The following C3orf70 variants were observed in gnomAD, a reference collection of about 807,000 sequenced individuals.
The protein encoded by C3orf70 is UPF0524 protein C3orf70.
In C3orf70, 15 loss-of-function variants were observed where a neutral mutation model predicts 20.7. The observed-to-expected ratio is 0.72, with a 90% confidence interval of 0.48 to 1.11. The LOEUF is 1.11. Ranked by LOEUF, C3orf70 falls within the 50% of genes most tolerant of loss-of-function variation. The pLI is 0.00. For missense variants in C3orf70, 332 were observed against 317.6 expected (o/e 1.05, Z -0.34); for synonymous variants, 161 against 125.7 (o/e 1.28, Z -1.88).
chr3:185,142,774 T>C (rs1716782534), intron 1 of C3orf70, among the ~76,000 whole-genome samples: 1 of 152,244 alleles, frequency 6.6e-6, no homozygotes, highest in East Asian at 1.9e-4. Flanking sequence ...AGACACATGA[T>C]GTGTTTTCTC....
At chr3:185,097,478 C>A (rs1199153732) in intron 1 of C3orf70, among the ~76,000 whole-genome samples, 1 of 152,184 alleles carries the variant, frequency 6.6e-6, no homozygotes, top group African/African-American at 2.4e-5. Context: ...GCATATAAAA[C>A]TACTGAGTTA....
At position 185,091,553 on chromosome 3, in the gene C3orf70, G is replaced by A. The variant is rs531405108; in HGVS notation, c.197-7990C>T. Among the ~76,000 whole-genome samples, 64 of 152,138 alleles carry A rather than the reference G, an allele frequency of 4.2e-4. 1 individual carries two copies. Among genetic ancestry groups the A allele is most frequent in the African/African-American group, 1.5e-3 (63 of 41,500 alleles). ...GCTGCTACAGATTTTTAAGCATGAG[G>A]TTCTAAGTCCCATGGCTTAGAAGAG... On this transcript the variant is annotated intron_variant, in intron 1 of 1. Coordinates refer to ENST00000335012, the MANE Select transcript of C3orf70 (RefSeq NM_001025266.3).
At chr3:185,130,913 T>A (rs1716510990) in intron 1 of C3orf70, among the ~76,000 whole-genome samples, 1 of 152,250 alleles carries the variant, frequency 6.6e-6, no homozygotes, top group South Asian at 2.1e-4. Context: ...TGATTAATGC[T>A]GCTATAAACA....
intron 1 of C3orf70, among the ~76,000 whole-genome samples, chr3:185,104,095 G>C (rs1464656550): frequency 1.3e-5 from 2 of 152,186 alleles, no homozygotes; most frequent in African/African-American, 4.8e-5. Flanking sequence ...AAAAGCTTTT[G>C]AGTTCAACTG....
At chr3:185,141,608 T>C (rs1308938207) in intron 1 of C3orf70, among the ~76,000 whole-genome samples, 1 of 152,168 alleles carries the variant, frequency 6.6e-6, no homozygotes, top group Non-Finnish European at 1.5e-5. Context: ...TCCAACAAAC[T>C]GGATGGATCT....
intron 1 of C3orf70, among the ~76,000 whole-genome samples, chr3:185,094,721 A>G (rs577957480): frequency 6.6e-6 from 1 of 152,248 alleles, no homozygotes; most frequent in Non-Finnish European, 1.5e-5. Context: ...AGGGTTTCAT[A>G]TAGCGAGTAT....
At position 185,083,343 on chromosome 3, in the gene C3orf70, A is replaced by C; in HGVS notation, c.417T>G (p.Ile139Met). 6.2e-7 allele frequency: 1 copy of C among 1,614,178 alleles called. No individual in the cohort carries two copies. The highest frequency in any genetic ancestry group is 8.5e-7 in the Non-Finnish European group (1 of 1,180,028). Residue 139 changes from isoleucine (I) to methionine (M), a missense_variant, in exon 2 of 2, where the codon ATT becomes ATG. Physicochemically the swap from Ile to Met is conservative, Grantham distance 10. Coordinates refer to ENST00000335012, the MANE Select transcript of C3orf70 (RefSeq NM_001025266.3). ...LFIDNYQVKC[I>M]NGKMCYVQKQ... ...TCTGCACATAACACATCTTCCCATT[A>C]ATACATTTAACCTGATAGTTGTCAA...
intron 1 of C3orf70, among the ~76,000 whole-genome samples, chr3:185,119,374 C>T (rs1043256937): frequency 3.3e-5 from 5 of 152,024 alleles, no homozygotes; most frequent in Non-Finnish European, 7.4e-5. Context: ...TAAGAGAAGC[C>T]GGGCGCGGTG....
chr3:185,125,384 AAACAACAACAAC>A (rs141336074), intron 1 of C3orf70, among the ~76,000 whole-genome samples: 2,723 of 149,868 alleles, frequency 0.018, 34 homozygotes, highest in Non-Finnish European at 0.026. Flanking sequence ...CCATCTCCAA[AAACAACAACAAC>A]AACAACAACA....
chr3:185,091,963 ATTTTTTT>A (rs146504613), intron 1 of C3orf70, among the ~76,000 whole-genome samples: 383 of 15,556 alleles, frequency 0.025, 8 homozygotes, highest in Admixed American at 0.054. Context: ...ATATATATAT[ATTTTTTT>A]TTTTTTTTAG....
At chr3:185,091,295 G>A (rs111404497) in intron 1 of C3orf70, among the ~76,000 whole-genome samples, 5,099 of 152,138 alleles carry the variant, frequency 0.034, 118 homozygotes, top group East Asian at 0.089. Context: ...TATCAGCTCT[G>A]CATTTGGGGT....
chr3:185,113,139 T>C (rs954544340), intron 1 of C3orf70, among the ~76,000 whole-genome samples: 1 of 152,014 alleles, frequency 6.6e-6, no homozygotes, highest in African/African-American at 2.4e-5. Flanking sequence ...ATCTACAATA[T>C]GTAGAAAGTT....
At chr3:185,110,793 C>T (rs143253580) in intron 1 of C3orf70, among the ~76,000 whole-genome samples, 33 of 152,362 alleles carry the variant, frequency 2.2e-4, no homozygotes, top group Middle Eastern at 3.4e-3. Flanking sequence ...TTAACTAGCC[C>T]AACCTATTCC....
intron 1 of C3orf70, among the ~76,000 whole-genome samples, chr3:185,122,842 C>T (rs62289781): frequency 1.3e-5 from 2 of 151,922 alleles, no homozygotes; most frequent in South Asian, 2.1e-4. Context: ...GCTTTTCTTC[C>T]GCTCCTTGGA....
chr3:185,105,304 A>C (rs1715910052), intron 1 of C3orf70, among the ~76,000 whole-genome samples: 1 of 152,212 alleles, frequency 6.6e-6, no homozygotes, highest in Non-Finnish European at 1.5e-5. Flanking sequence ...TGGTCATAAC[A>C]CCCATGCTGG....
intron 1 of C3orf70, among the ~76,000 whole-genome samples, chr3:185,139,419 G>A (rs987352544): frequency 1.3e-5 from 2 of 151,770 alleles, no homozygotes; most frequent in South Asian, 4.2e-4. Flanking sequence ...CAGGTGTGGT[G>A]GTGCACGCCT....
intron 1 of C3orf70, among the ~76,000 whole-genome samples, chr3:185,102,583 C>T (rs1029708972): frequency 5.9e-5 from 9 of 152,132 alleles, no homozygotes; most frequent in African/African-American, 9.7e-5. Flanking sequence ...GAACCAAAAA[C>T]GAGCCCGAAT....
In C3orf70 at chr3:185,097,690, A is replaced by G. The variant is rs1022973089; in HGVS notation, c.197-14127T>C. On this transcript the variant is annotated intron_variant, in intron 1 of 1. Coordinates refer to ENST00000335012, the MANE Select transcript of C3orf70 (RefSeq NM_001025266.3). ...AGCTCTTTTCCCAGGAACCTGGAATAAGCCCTTGAAGAGAAAAGAGACAGG... is the reference window on the plus strand; with the variant it reads ...AGCTCTTTTCCCAGGAACCTGGAATGAGCCCTTGAAGAGAAAAGAGACAGG... Among the ~76,000 whole-genome samples the G allele has an allele frequency of 9.9e-5, 15 of 152,210 alleles. 1 individual carries two copies. The highest frequency in any genetic ancestry group is 2.9e-5 in the Non-Finnish European group (2 of 68,034).
At chr3:185,139,159 G>A in intron 1 of C3orf70, among the ~76,000 whole-genome samples, 1 of 151,286 alleles carries the variant, frequency 6.6e-6, no homozygotes, top group South Asian at 2.1e-4. Flanking sequence ...GGAGGAGGAA[G>A]GAGGAGCAGA....
Sources: gnomAD v4.1 joint callset for allele counts (sites outside exome capture counted in the v4.1 genomes callset) on GRCh38, gnomAD v4.1.1 for gene constraint, MANE v1.5 for transcripts, NCBI Gene and HGNC (gene_info 2026-07-23, HGNC 2026-07-21) for gene names.